The following MYOM1 variants were observed in gnomAD, a reference collection of about 807,000 sequenced individuals.
MYOM1 encodes the protein myomesin 1.
A neutral mutation model predicts 205.3 loss-of-function variants in MYOM1; 164 were observed. The ratio of observed to expected loss-of-function variants is 0.80; its 90% confidence interval spans 0.70 to 0.91. MYOM1 has a LOEUF of 0.91. MYOM1 is among the 40% of genes least tolerant of loss of function. MYOM1 has a pLI of 0.00. For missense variants in MYOM1, 2,011 were observed against 2,127.3 expected (o/e 0.95, Z 1.08); for synonymous variants, 772 against 789.4 (o/e 0.98, Z 0.37).
At chr18:3,109,911 C>G (rs1264503468) in intron 22 of MYOM1, among the ~76,000 whole-genome samples, 2 of 152,194 alleles carry the variant, frequency 1.3e-5, no homozygotes, top group African/African-American at 2.4e-5. Context: ...AGGGCCAAGA[C>G]AGCATTCCAA....
chr18:3,216,290 A>G (rs1485766931), intron 1 of MYOM1, among the ~76,000 whole-genome samples: 1 of 152,200 alleles, frequency 6.6e-6, no homozygotes, highest in Non-Finnish European at 1.5e-5. Flanking sequence ...ACAAAAAAGA[A>G]ATACAGTGGT....
intron 2 of MYOM1, among the ~76,000 whole-genome samples, chr18:3,211,330 T>C (rs548030894): frequency 6.6e-6 from 1 of 152,310 alleles, no homozygotes; most frequent in African/African-American, 2.4e-5. Context: ...CTCTCTGTTA[T>C]TCATTTTTAG....
intron 13 of MYOM1, among the ~76,000 whole-genome samples, chr18:3,144,078 C>A (rs2143952250): frequency 6.6e-6 from 1 of 151,730 alleles, no homozygotes; most frequent in East Asian, 1.9e-4. Context: ...TTGTGGCGGG[C>A]ATCTGTAGTC....
chr18:3,134,623 C>T (rs1368205984), intron 16 of MYOM1, 27 bp downstream of exon 16: 2 of 1,585,146 alleles, frequency 1.3e-6, no homozygotes, highest in Non-Finnish European at 1.7e-6. Context: ...GAGGCCATTG[C>T]CCGCCCTGCA....
At chr18:3,077,014 G>GC (rs1555614273) in intron 34 of MYOM1, among the ~76,000 whole-genome samples, 2 of 135,278 alleles carry the variant, frequency 1.5e-5, no homozygotes, top group East Asian at 4.4e-4. Flanking sequence ...TCCCAGCCTT[G>GC]TTTTTTTTTT....
At chr18:3,104,219 T>C (rs1046987702) in intron 22 of MYOM1, among the ~76,000 whole-genome samples, 7 of 152,102 alleles carry the variant, frequency 4.6e-5, no homozygotes, top group African/African-American at 1.2e-4. Context: ...CTGAAGAGTG[T>C]TGAGGTTTAG....
intron 9 of MYOM1, 41 bp downstream of exon 9, chr18:3,168,776 T>C: frequency 6.2e-7 from 1 of 1,606,806 alleles, no homozygotes; most frequent in Non-Finnish European, 8.5e-7. Flanking sequence ...TCTACAACCT[T>C]CGAATAAGAA....
At chr18:3,224,219 G>A (rs562920722), upstream of MYOM1, among the ~76,000 whole-genome samples, 194 of 152,142 alleles carry the variant, frequency 1.3e-3, no homozygotes, top group African/African-American at 4.5e-3. Flanking sequence ...AGTAGGTTTC[G>A]CCATGTTGGC....
At chr18:3,214,517 C>T (rs1315813453) in intron 2 of MYOM1, among the ~76,000 whole-genome samples, 1 of 152,182 alleles carries the variant, frequency 6.6e-6, no homozygotes, top group African/African-American at 2.4e-5. Flanking sequence ...TGCAGGGCTG[C>T]CGTATTTAAG....
chr18:3,214,871 G>C (rs2081238890), intron 2 of MYOM1, 63 bp downstream of exon 2: 3 of 1,482,220 alleles, frequency 2.0e-6, no homozygotes, highest in Non-Finnish European at 2.7e-6. Context: ...GTAACTGGGA[G>C]GGTTACTCAG....
chr18:3,105,973 C>T (rs752445259), intron 22 of MYOM1, among the ~76,000 whole-genome samples: 24 of 152,116 alleles, frequency 1.6e-4, no homozygotes, highest in South Asian at 4.1e-4. Context: ...GTTCTGCAAC[C>T]GTGGATTCAA....
chr18:3,099,216 G>A (rs2079346163), intron 25 of MYOM1, among the ~76,000 whole-genome samples: 2 of 152,296 alleles, frequency 1.3e-5, no homozygotes, highest in East Asian at 1.9e-4. Flanking sequence ...GAGAAGGTCC[G>A]CAATTCATTC....
At chr18:3,216,410 A>T (rs1286895304) in intron 1 of MYOM1, among the ~76,000 whole-genome samples, 1 of 152,258 alleles carries the variant, frequency 6.6e-6, no homozygotes, top group African/African-American at 2.4e-5. Context: ...AGATAGGTTA[A>T]TGTGCCAAGA....
intron 36 of MYOM1, among the ~76,000 whole-genome samples, chr18:3,074,810 G>GTTGTT (rs541111180): frequency 6.6e-6 from 1 of 152,024 alleles, no homozygotes; most frequent in Non-Finnish European, 1.5e-5. Context: ...TTTTGTTGTT[G>GTTGTT]TTGTTTTGTT....
chr18:3,197,197 C>T (rs550549038), intron 2 of MYOM1, among the ~76,000 whole-genome samples: 7 of 149,068 alleles, frequency 4.7e-5, no homozygotes, highest in South Asian at 2.1e-4. Context: ...AGTGCAATGG[C>T]GCGATCTCGG....
At chr18:3,225,424 G>A in the MYOM1 span, among the ~76,000 whole-genome samples, 1 of 152,178 alleles carries the variant, frequency 6.6e-6, no homozygotes, top group African/African-American at 2.4e-5. Flanking sequence ...CCCTTTATTT[G>A]TTAAGGTGCA....
In MYOM1 at chr18:3,084,028, C is replaced by T. The variant is rs2079121386; in HGVS notation, c.4340-1G>A. On this transcript the variant is annotated splice_acceptor_variant, in intron 31 of 37. Coordinates refer to ENST00000356443, the MANE Select transcript of MYOM1 (RefSeq NM_003803.4). LOFTEE classifies it high-confidence loss of function. ...ACTTCCATCATCAGTTCCTTAAAGG[C>T]TGTGGAGAGAGATTCAGAGCCAAAA... 1 of 1,579,186 alleles carries T rather than the reference C, an allele frequency of 6.3e-7. No homozygotes were observed. The highest frequency in any genetic ancestry group is 8.6e-7 in the Non-Finnish European group (1 of 1,160,776).
rs146185251 is a variant in MYOM1, at chr18:3,174,325, G to A, written c.1023-117C>T. ...CCCTGCAAATCAGTGGCTAACACAT[G>A]GCTCTTTGGTTCTCCTGGTACAGCT... On this transcript the variant is annotated intron_variant, in intron 6 of 37. Coordinates refer to ENST00000356443, the MANE Select transcript of MYOM1 (RefSeq NM_003803.4). The A allele has an allele frequency of 6.9e-4, 561 of 809,308 alleles. 4 individuals carry two copies. In the East Asian group the frequency reaches 0.012, roughly 18 times the overall value. The allele number at this position is 809,308 out of a possible 1,614,324, so 50.1% of individuals were successfully genotyped here.
chr18:3,127,305 A>ATATTTTTTTTT (rs56880961), intron 18 of MYOM1, among the ~76,000 whole-genome samples: 5 of 47,570 alleles, frequency 1.1e-4, no homozygotes, highest in African/African-American at 2.8e-4. Context: ...ATATATATAT[A>ATATTTTTTTTT]TTTTTTTTTT....
Sources: gnomAD v4.1 joint callset for allele counts (sites outside exome capture counted in the v4.1 genomes callset) on GRCh38, gnomAD v4.1.1 for gene constraint, MANE v1.5 for transcripts, NCBI Gene and HGNC (gene_info 2026-07-23, HGNC 2026-07-21) for gene names.